Variants in CADM1 observed in about 807,000 individuals in gnomAD.
CADM1 encodes the protein cell adhesion molecule 1.
Under a neutral mutation model 53.1 loss-of-function variants are expected in CADM1, and 15 were observed. The observed-to-expected ratio is 0.28, with a 90% CI of 0.19 to 0.44. The LOEUF (loss-of-function observed/expected upper bound fraction) is 0.44, where lower values mean the gene tolerates loss of function less well. Among genes scored for constraint, CADM1 ranks in the 20% least tolerant of loss-of-function variants. The probability of loss-of-function intolerance (pLI) is 1.00; values close to 1 mark genes in which losing one functional copy is unlikely to be tolerated. For synonymous variants in CADM1, 281 were observed against 243.0 expected (o/e 1.16, Z -1.45); for missense variants, 434 against 611.3 (o/e 0.71, Z 3.06).
At chr11:115,401,071 T>C (rs1462550505) in intron 1 of CADM1, among the ~76,000 whole-genome samples, 2 of 152,146 alleles carry the variant, frequency 1.3e-5, no homozygotes, top group Non-Finnish European at 2.9e-5. Context: ...CATTCGTAAT[T>C]GCCAAAACTT....
chr11:115,253,736 T>C (rs1223690763), intron 1 of CADM1, among the ~76,000 whole-genome samples: 1 of 152,218 alleles, frequency 6.6e-6, no homozygotes, highest in African/African-American at 2.4e-5. Flanking sequence ...ACTTGTCCTG[T>C]AGGATTGAGC....
intron 3 of CADM1, among the ~76,000 whole-genome samples, chr11:115,232,274 G>C (rs1402577621): frequency 1.3e-5 from 2 of 152,044 alleles, no homozygotes; most frequent in Non-Finnish European, 2.9e-5. Context: ...TCCCTTAAAA[G>C]AATCACTCAC....
At chr11:115,370,741 G>A (rs1946286962) in intron 1 of CADM1, among the ~76,000 whole-genome samples, 2 of 152,092 alleles carry the variant, frequency 1.3e-5, no homozygotes, top group South Asian at 4.1e-4. Flanking sequence ...TACACTATCT[G>A]TACAGAGGAA....
chr11:115,339,143 G>T (rs1218535986), intron 1 of CADM1, among the ~76,000 whole-genome samples: 32 of 148,796 alleles, frequency 2.2e-4, no homozygotes, highest in Non-Finnish European at 1.2e-4. Flanking sequence ...AGAATATGCG[G>T]TGTTTGGTTT....
At position 115,381,548 on chromosome 11, in the gene CADM1, G is replaced by A. The variant is rs569057778; in HGVS notation, c.124+122723C>T. Reference sequence around the variant, plus strand: ...TCATAGCTCAGCTCTAATTTTTACTGAACTATTTGACCTTGGGAAAGTCAC... The same window carrying A: ...TCATAGCTCAGCTCTAATTTTTACTAAACTATTTGACCTTGGGAAAGTCAC... On this transcript the variant is annotated intron_variant, in intron 1 of 11. Transcript: ENST00000331581. Among the ~76,000 whole-genome samples, 8 of 152,236 alleles carry A rather than the reference G, an allele frequency of 5.3e-5. No individual in the cohort carries two copies. In the South Asian group the frequency reaches 1.5e-3, roughly 28 times the overall value.
chr11:115,455,519 T>C (rs1948665378), intron 1 of CADM1, among the ~76,000 whole-genome samples: 1 of 152,142 alleles, frequency 6.6e-6, no homozygotes. Flanking sequence ...CCTGGAATGT[T>C]CAGTGACAAT....
intron 1 of CADM1, among the ~76,000 whole-genome samples, chr11:115,351,285 T>C (rs1428253314): frequency 6.6e-6 from 1 of 152,220 alleles, no homozygotes; most frequent in East Asian, 1.9e-4. Flanking sequence ...CTTTCTGTCA[T>C]AGAAACTTAG....
intron 1 of CADM1, among the ~76,000 whole-genome samples, chr11:115,291,663 C>T (rs1203092947): frequency 5.3e-5 from 8 of 152,322 alleles, no homozygotes; most frequent in Admixed American, 4.6e-4. Flanking sequence ...TAATATTCCA[C>T]TGCCCAGGCC....
At chr11:115,416,474 T>C (rs1373979826) in intron 1 of CADM1, among the ~76,000 whole-genome samples, 1 of 152,054 alleles carries the variant, frequency 6.6e-6, no homozygotes, top group Non-Finnish European at 1.5e-5. Context: ...TCTTGTAGAC[T>C]CTCCTTATCA....
chr11:115,185,890 G>C (rs1939521312), intron 10 of CADM1, among the ~76,000 whole-genome samples: 1 of 152,206 alleles, frequency 6.6e-6, no homozygotes, highest in Non-Finnish European at 1.5e-5. Context: ...GCATTTGGGG[G>C]TGTGAGGAGG....
At chr11:115,381,298 A>G (rs1385457168) in intron 1 of CADM1, among the ~76,000 whole-genome samples, 2 of 152,024 alleles carry the variant, frequency 1.3e-5, no homozygotes, top group Admixed American at 6.6e-5. Context: ...CATCTCAAAA[A>G]AAAAAAAAAA....
intron 1 of CADM1, among the ~76,000 whole-genome samples, chr11:115,372,759 G>C (rs1344667504): frequency 2.0e-5 from 3 of 152,180 alleles, no homozygotes; most frequent in African/African-American, 4.8e-5. Context: ...CTCTAAGAGA[G>C]AGAAGTGATA....
At chr11:115,340,073 A>G (rs1267877187) in intron 1 of CADM1, 2 of 152,160 alleles carry the variant, frequency 1.3e-5, no homozygotes, top group Non-Finnish European at 2.9e-5. Flanking sequence ...ATGAGATTCC[A>G]AATTACCCAG....
chr11:115,321,452 C>T (rs1445451031), intron 1 of CADM1, among the ~76,000 whole-genome samples: 2 of 152,166 alleles, frequency 1.3e-5, no homozygotes, highest in African/African-American at 4.8e-5. Flanking sequence ...AGTATTTCTC[C>T]ATTTACTGAA....
At chr11:115,272,160 T>C (rs1194547456) in intron 1 of CADM1, among the ~76,000 whole-genome samples, 1 of 152,142 alleles carries the variant, frequency 6.6e-6, no homozygotes, top group East Asian at 1.9e-4. Flanking sequence ...AGATGCATTA[T>C]TAAAATCCCG....
At chr11:115,227,210 C>T (rs969456709) in intron 5 of CADM1, among the ~76,000 whole-genome samples, 6 of 152,228 alleles carry the variant, frequency 3.9e-5, no homozygotes, top group East Asian at 1.9e-4. Context: ...ATTAAAGGCT[C>T]GCAGTACTTT....
chr11:115,443,869 C>T (rs1233844968), intron 1 of CADM1, among the ~76,000 whole-genome samples: 1 of 152,140 alleles, frequency 6.6e-6, no homozygotes, highest in East Asian at 1.9e-4. Flanking sequence ...ATTAGAAGAA[C>T]GGACAAACTG....
In CADM1 at chr11:115,504,312, A is replaced by T. The variant is rs1472494565; in HGVS notation, c.83T>A (p.Leu28His). The T allele has an allele frequency of 1.3e-6, 2 of 1,506,132 alleles. No individual in the cohort carries two copies. The highest frequency in any genetic ancestry group is 1.8e-6 in the Non-Finnish European group (2 of 1,108,630). The allele number at this position is 1,506,132 out of a possible 1,614,324, so 93.3% of individuals were successfully genotyped here. The change falls in exon 1 of 12, where the codon CTT becomes CAT. Residue 28 changes from leucine (L) to histidine (H), a missense_variant. By Grantham distance (99) the Leu-to-His change is moderately conservative. This residue lies in a region of CADM1 where 76 missense variants were observed against 59.8 expected (regional missense o/e 1.27). Coordinates refer to ENST00000331581, the MANE Select transcript of CADM1 (RefSeq NM_001301043.2). Reference sequence around the variant, plus strand: ...CGCGGCGGAGAAGAGCAACAGCAGAAGCCGGAGCCGGAGCCCGGGAGGCGC... The same window carrying T: ...CGCGGCGGAGAAGAGCAACAGCAGATGCCGGAGCCGGAGCCCGGGAGGCGC... ...AAAPPGLRLR[L>H]LLLLFSAAAL...
At chr11:115,220,142 A>T (rs1263281658) in intron 5 of CADM1, among the ~76,000 whole-genome samples, 1 of 152,160 alleles carries the variant, frequency 6.6e-6, no homozygotes, top group Non-Finnish European at 1.5e-5. Flanking sequence ...TTGCTGGCCT[A>T]TGTGGAAGGA....
Sources: allele counts gnomAD v4.1 joint callset (sites outside exome capture counted in the v4.1 genomes callset), GRCh38; gene constraint gnomAD v4.1.1; regional missense constraint gnomAD v4.1.1; transcripts MANE v1.5; gene names NCBI Gene and HGNC (gene_info 2026-07-23, HGNC 2026-07-21).